TUBB6: variants seen among roughly 807,000 people sequenced by gnomAD.
TUBB6 encodes tubulin beta 6 class V.
In TUBB6, 18 loss-of-function variants were observed where a neutral mutation model predicts 32.3. The observed-to-expected ratio is 0.56, with a 90% CI of 0.39 to 0.83. The LOEUF (loss-of-function observed/expected upper bound fraction) is 0.83, where lower values mean the gene tolerates loss of function less well. Among genes scored for constraint, TUBB6 ranks in the 40% least tolerant of loss-of-function variants. The pLI, the probability that TUBB6 is intolerant of heterozygous loss-of-function variation, is 0.00. For synonymous variants in TUBB6, 280 were observed against 265.8 expected, an observed-to-expected ratio of 1.05 and a Z score of -0.52; for missense variants, 480 against 632.0, an observed-to-expected ratio of 0.76 and a Z score of 2.58.
At chr18:12,311,176 GC>G in intron 3 of TUBB6, 123 bp downstream of exon 3, 2 of 823,560 alleles carry the variant, frequency 2.4e-6, no homozygotes, top group East Asian at 3.0e-5. Flanking sequence ...GTGGTTCCCA[GC>G]CCCACCCCTC....
chr18:12,320,420 A>AT (rs1906928925), intron 3 of TUBB6: 1 of 152,004 alleles, frequency 6.6e-6, no homozygotes, highest in Non-Finnish European at 1.5e-5. Flanking sequence ...TTTGCTAGCT[A>AT]GCTAGGTAAA....
downstream of TUBB6, chr18:12,328,997 A>G: frequency 1.7e-6 from 1 of 595,812 alleles, no homozygotes; most frequent in Non-Finnish European, 3.0e-6. Context: ...AAGAAGCCAT[A>G]TTTACATAAT....
downstream of TUBB6, among the ~76,000 whole-genome samples, chr18:12,327,742 T>A (rs1907384766): frequency 6.6e-6 from 1 of 152,128 alleles, no homozygotes; most frequent in Non-Finnish European, 1.5e-5. Flanking sequence ...TTAAGGTTGC[T>A]CACCTCACCA....
At chr18:12,321,943 AG>A (rs1488650276) in intron 3 of TUBB6, among the ~76,000 whole-genome samples, 1 of 152,206 alleles carries the variant, frequency 6.6e-6, no homozygotes, top group Non-Finnish European at 1.5e-5. Flanking sequence ...AAACAAGAAA[AG>A]AATGACTGAT....
chr18:12,324,889 T>G, intron 3 of TUBB6, 178 bp from the exon 4 acceptor site: 1 of 1,423,222 alleles, frequency 7.0e-7, no homozygotes, highest in Non-Finnish European at 9.2e-7. Flanking sequence ...TTGACTTGCC[T>G]AAAAACGTAC....
At chr18:12,327,338 A>AG (rs2143064977), downstream of TUBB6, among the ~76,000 whole-genome samples, 1 of 152,258 alleles carries the variant, frequency 6.6e-6, no homozygotes, top group South Asian at 2.1e-4. Flanking sequence ...AGACAGACAA[A>AG]GCTTTGTCAT....
At chr18:12,322,732 C>A (rs1329559955) in intron 3 of TUBB6, among the ~76,000 whole-genome samples, 2 of 152,144 alleles carry the variant, frequency 1.3e-5, no homozygotes, top group Non-Finnish European at 2.9e-5. Context: ...TAGAATTGAT[C>A]CCAAGCCTTG....
Position 12,308,369 on chromosome 18 carries a change from G to T in TUBB6, c.57+20G>T, listed in dbSNP as rs1173535245. 2 of 1,408,144 alleles carry T rather than the reference G, an allele frequency of 1.4e-6. No homozygotes were observed. Among genetic ancestry groups the T allele is most frequent in the Admixed American group, 2.7e-5 (1 of 37,130 alleles). 87.2% of individuals were successfully genotyped at this position (1,408,144 alleles called of 1,614,324 possible). The stretch of plus-strand genomic sequence containing the variant: ...ACCAAGGTGGGCCTGGCGCGGTGCA[G>T]GGCCTCTCCGCGGGTCGGCTGCTGG... On this transcript the variant is annotated intron_variant, in intron 1 of 3. Transcript: ENST00000317702.
downstream of TUBB6, among the ~76,000 whole-genome samples, chr18:12,328,709 G>A (rs534825573): frequency 2.6e-5 from 4 of 152,332 alleles, no homozygotes; most frequent in East Asian, 5.8e-4. Flanking sequence ...CTGCACTGGG[G>A]TGGTTATCAC....
intron 3 of TUBB6, among the ~76,000 whole-genome samples, chr18:12,323,449 G>A (rs1907089383): frequency 6.6e-6 from 1 of 152,098 alleles, no homozygotes; most frequent in African/African-American, 2.4e-5. Context: ...AAATTTAAGA[G>A]CCAATCTTTC....
At chr18:12,314,056 A>G (rs1906537153) in intron 3 of TUBB6, among the ~76,000 whole-genome samples, 1 of 152,232 alleles carries the variant, frequency 6.6e-6, no homozygotes, top group Non-Finnish European at 1.5e-5. Flanking sequence ...AAGTAGGTAT[A>G]GACTCAGCAG....
downstream of TUBB6, chr18:12,329,818 C>A: frequency 2.6e-6 from 4 of 1,548,470 alleles, no homozygotes; most frequent in Non-Finnish European, 3.6e-6. Flanking sequence ...AATACAGTTA[C>A]TCAGCAAAGT....
intron 3 of TUBB6, among the ~76,000 whole-genome samples, chr18:12,318,894 G>C (rs549804853): frequency 7.3e-4 from 111 of 152,166 alleles, no homozygotes; most frequent in Non-Finnish European, 1.1e-3. Context: ...TGCTAGGATT[G>C]CAGGTGTGAG....
At chr18:12,326,880 CCAAAAGGCCTCCGGA>C (rs1316344136), downstream of TUBB6, among the ~76,000 whole-genome samples, 2 of 152,104 alleles carry the variant, frequency 1.3e-5, no homozygotes, top group Admixed American at 1.3e-4. Flanking sequence ...ACAAACAGCC[CCAAAAGGCCTCCGGA>C]CAAAGCCAGG....
At chr18:12,320,714 G>A (rs1251466072) in intron 3 of TUBB6, 1 of 152,190 alleles carries the variant, frequency 6.6e-6, no homozygotes, top group African/African-American at 2.4e-5. Flanking sequence ...CAGAGATACC[G>A]CCGTGGATTT....
intron 2 of TUBB6, 74 bp from the exon 3 acceptor site, chr18:12,310,869 G>T: frequency 1.0e-6 from 1 of 1,000,380 alleles, no homozygotes; most frequent in Non-Finnish European, 1.5e-6. Flanking sequence ...AGAACTGGTG[G>T]GACTTGAAAC....
intron 3 of TUBB6, among the ~76,000 whole-genome samples, chr18:12,321,295 T>A (rs1906974551): frequency 6.6e-6 from 1 of 152,228 alleles, no homozygotes; most frequent in Non-Finnish European, 1.5e-5. Context: ...TGTTTTTTCT[T>A]GCACTGAACA....
At chr18:12,322,047 T>C (rs562294298) in intron 3 of TUBB6, among the ~76,000 whole-genome samples, 33 of 152,296 alleles carry the variant, frequency 2.2e-4, no homozygotes, top group South Asian at 1.7e-3. Context: ...ATGCCTGTAA[T>C]CCCAGCACTT....
chr18:12,310,863 C>G (rs1264781096), intron 2 of TUBB6, 80 bp from the exon 3 acceptor site: 20 of 927,458 alleles, frequency 2.2e-5, no homozygotes. Context: ...GCAGCTAGAA[C>G]TGGTGGGACT....
Sources: gnomAD v4.1 joint callset for allele counts (sites outside exome capture counted in the v4.1 genomes callset) on GRCh38, gnomAD v4.1.1 for gene constraint, MANE v1.5 for transcripts, NCBI Gene and HGNC (gene_info 2026-07-23, HGNC 2026-07-21) for gene names.